MBD5: variants seen among roughly 807,000 people sequenced by gnomAD.
MBD5 encodes the protein methyl-CpG-binding domain protein 5.
In MBD5, 13 loss-of-function variants were observed where a neutral mutation model predicts 117.3. That is an observed-to-expected ratio of 0.11 (90% CI 0.07 to 0.18). The LOEUF is 0.18. Ranked by LOEUF, MBD5 falls within the 10% of genes least tolerant of loss-of-function variation. MBD5 has a pLI of 1.00. For synonymous variants in MBD5, 727 were observed against 766.4 expected (o/e 0.95, Z 0.85); for missense variants, 1,879 against 2,093.8 (o/e 0.90, Z 2.00).
At chr2:148,348,860 G>T (rs1277351880) in intron 4 of MBD5, among the ~76,000 whole-genome samples, 2 of 151,844 alleles carry the variant, frequency 1.3e-5, no homozygotes, top group African/African-American at 2.4e-5. Flanking sequence ...TTCAGAACTG[G>T]TTTGCTTTCA....
rs1446837847 is a variant in MBD5, at chr2:148,043,485, A to AAATAAATAAATAAATAAATAAATG, written c.-925+21803_-925+21804insTAAATAAATAAATAAATAAATGAA. On this transcript the variant is annotated intron_variant, in intron 1 of 13. Transcript: ENST00000642680. ...TAAATAAATAAATAAATAAATAAAT[A>AAATAAATAAATAAATAAATAAATG]AAAGAATAGACTTTCTAGTTACTTG... Among the ~76,000 whole-genome samples the AAATAAATAAATAAATAAATAAATG allele has an allele frequency of 1.4e-3, 194 of 141,812 alleles. 1 individual carries two copies. The highest frequency in any genetic ancestry group is 4.8e-3 in the African/African-American group (184 of 38,078). 93.0% of individuals were successfully genotyped at this position (141,812 alleles called of 152,430 possible). A position where few individuals can be genotyped will look rare whatever the true frequency, so the allele number is the denominator to read the frequency against.
At chr2:148,142,874 G>T (rs551353126) in intron 1 of MBD5, among the ~76,000 whole-genome samples, 4 of 152,108 alleles carry the variant, frequency 2.6e-5, no homozygotes, top group Non-Finnish European at 5.9e-5. Context: ...CTAGGTGATT[G>T]AAAAAATAAT....
chr2:148,061,787 A>G (rs1695043145), intron 1 of MBD5, among the ~76,000 whole-genome samples: 1 of 151,984 alleles, frequency 6.6e-6, no homozygotes, highest in Non-Finnish European at 1.5e-5. Flanking sequence ...AGAAAAGTGA[A>G]GTTGATTTAT....
intron 3 of MBD5, among the ~76,000 whole-genome samples, chr2:148,336,578 G>A (rs929695936): frequency 6.6e-6 from 1 of 151,984 alleles, no homozygotes; most frequent in African/African-American, 2.4e-5. Context: ...GTAGAGATGG[G>A]GTTTTGCCAT....
chr2:148,198,831 C>T (rs1699060734), intron 2 of MBD5, among the ~76,000 whole-genome samples: 1 of 151,910 alleles, frequency 6.6e-6, no homozygotes, highest in Admixed American at 6.6e-5. Context: ...CATAAGAGGA[C>T]ATGATGACTT....
In MBD5 at chr2:148,489,822, C is replaced by T; in HGVS notation, c.4190C>T (p.Ala1397Val). The change falls in exon 11 of 14, where the codon GCT becomes GTT. Residue 1397 changes from alanine to valine, a missense_variant. This residue lies in a region of MBD5 where 1,666 missense variants were observed against 1,792.2 expected (regional missense o/e 0.93). Coordinates refer to ENST00000642680, the MANE Select transcript of MBD5 (RefSeq NM_001378120.1). Reference protein sequence around the residue: ...HDGRLRNSRGARLPKNLDHGK... With the variant: ...HDGRLRNSRGVRLPKNLDHGK... ...GGTAGGCTGAGGAATTCAAGAGGGGCTCGGCTGCCCAAGAATCTAGACCAT... is the reference window on the plus strand; with the variant it reads ...GGTAGGCTGAGGAATTCAAGAGGGGTTCGGCTGCCCAAGAATCTAGACCAT... The T allele has an allele frequency of 6.2e-7, 1 of 1,614,070 alleles. No individual in the cohort carries two copies. Among genetic ancestry groups the T allele is most frequent in the South Asian group, 1.1e-5 (1 of 91,068 alleles).
intron 1 of MBD5, among the ~76,000 whole-genome samples, chr2:148,050,850 T>C (rs1201371864): frequency 6.6e-6 from 1 of 152,176 alleles, no homozygotes; most frequent in Non-Finnish European, 1.5e-5. Flanking sequence ...GTTTCCTTAC[T>C]ATAGTTTTTT....
chr2:148,369,276 AATTG>A (rs1333251216), intron 4 of MBD5, among the ~76,000 whole-genome samples: 2 of 152,128 alleles, frequency 1.3e-5, no homozygotes, highest in East Asian at 1.9e-4. Context: ...GTCATGTGAT[AATTG>A]ATTGGTTCTT....
At chr2:148,149,402 A>C (rs555852243) in intron 1 of MBD5, among the ~76,000 whole-genome samples, 3 of 142,430 alleles carry the variant, frequency 2.1e-5, no homozygotes, top group African/African-American at 7.9e-5. Context: ...ATAAACATAC[A>C]TGTGCATGTG....
chr2:148,480,548 C>G (rs191262356), intron 8 of MBD5, among the ~76,000 whole-genome samples: 36 of 151,932 alleles, frequency 2.4e-4, no homozygotes, highest in Admixed American at 8.5e-4. Context: ...GTAAATAAGA[C>G]TTTTTATTTA....
intron 4 of MBD5, among the ~76,000 whole-genome samples, chr2:148,409,461 G>A (rs1208536626): frequency 1.3e-5 from 2 of 151,546 alleles, no homozygotes; most frequent in Non-Finnish European, 2.9e-5. Context: ...GAGGGAAGAA[G>A]GGAGGGAGGG....
chr2:148,075,225 G>A (rs1695477656), intron 1 of MBD5, among the ~76,000 whole-genome samples: 1 of 152,176 alleles, frequency 6.6e-6, no homozygotes, highest in Non-Finnish European at 1.5e-5. Context: ...AGGGCTGTAA[G>A]GGAGAAACTG....
intron 2 of MBD5, among the ~76,000 whole-genome samples, chr2:148,182,097 T>A (rs1459211100): frequency 6.6e-6 from 1 of 152,112 alleles, no homozygotes; most frequent in Non-Finnish European, 1.5e-5. Flanking sequence ...GTAGTAGTGA[T>A]GTTGGCCATC....
chr2:148,130,270 T>C (rs997435665), intron 1 of MBD5, among the ~76,000 whole-genome samples: 11 of 152,206 alleles, frequency 7.2e-5, no homozygotes, highest in Non-Finnish European at 1.3e-4. Context: ...GCTCAATTTT[T>C]CTTACATAGC....
intron 1 of MBD5, among the ~76,000 whole-genome samples, chr2:148,119,415 TA>T (rs1696713539): frequency 6.6e-6 from 1 of 152,220 alleles, no homozygotes; most frequent in Non-Finnish European, 1.5e-5. Flanking sequence ...ACAAGTTTTT[TA>T]ATCCTATGTG....
intron 1 of MBD5, among the ~76,000 whole-genome samples, chr2:148,110,348 A>G (rs1330755013): frequency 6.6e-6 from 1 of 152,146 alleles, no homozygotes; most frequent in African/African-American, 2.4e-5. Flanking sequence ...GTGATTGTTG[A>G]CAGGAAATGT....
chr2:148,091,994 G>A (rs961422742), intron 1 of MBD5, among the ~76,000 whole-genome samples: 1 of 152,080 alleles, frequency 6.6e-6, no homozygotes, highest in African/African-American at 2.4e-5. Context: ...CAAAAAGTCA[G>A]CAAAGGATAT....
chr2:148,322,680 C>T (rs566958011), intron 3 of MBD5, among the ~76,000 whole-genome samples: 125 of 152,170 alleles, frequency 8.2e-4, no homozygotes, highest in Non-Finnish European at 1.6e-3. Context: ...TACGGAATTG[C>T]TTTTGTTCCA....
intron 1 of MBD5, among the ~76,000 whole-genome samples, chr2:148,114,355 C>T (rs7580420): frequency 0.41 from 62,311 of 151,426 alleles, 13,076 homozygotes; most frequent in South Asian, 0.5. Flanking sequence ...CTGTAATCTC[C>T]GCTTCTCGGG....
Sources: allele counts gnomAD v4.1 joint callset (sites outside exome capture counted in the v4.1 genomes callset), GRCh38; gene constraint gnomAD v4.1.1; regional missense constraint gnomAD v4.1.1; transcripts MANE v1.5; gene names NCBI Gene and HGNC (gene_info 2026-07-23, HGNC 2026-07-21).